Variants in SHROOM3 observed in about 807,000 individuals in gnomAD.
SHROOM3 encodes protein Shroom3.
A neutral mutation model predicts 138.6 loss-of-function variants in SHROOM3; 47 were observed. The ratio of observed to expected loss-of-function variants is 0.34; its 90% confidence interval spans 0.27 to 0.43. The LOEUF (loss-of-function observed/expected upper bound fraction) is 0.43. Ranked by LOEUF, SHROOM3 falls within the 20% of genes least tolerant of loss-of-function variation. The pLI, the probability that SHROOM3 is intolerant of heterozygous loss-of-function variation, is 1.00. For missense variants in SHROOM3, 2,491 were observed against 2,596.5 expected (o/e 0.96, Z 0.88); for synonymous variants, 1,062 against 1,063.3 (o/e 1.00, Z 0.02).
At chr4:76,579,857 AAATCGGGGAAGAG>A (rs767761841) in intron 2 of SHROOM3, among the ~76,000 whole-genome samples, 36 of 152,196 alleles carry the variant, frequency 2.4e-4, no homozygotes, top group Admixed American at 6.5e-4. Context: ...TTTTAATCCT[AAATCGGGGAAGAG>A]AATCGTTGTG....
intron 8 of SHROOM3, chr4:76,757,910 TAAATAA>T (rs1261661448): frequency 6.6e-6 from 1 of 152,208 alleles, no homozygotes; most frequent in Non-Finnish European, 1.5e-5. Flanking sequence ...GCTTCCAGAC[TAAATAA>T]AAACAGAACA....
intron 1 of SHROOM3, among the ~76,000 whole-genome samples, chr4:76,484,860 C>G (rs576141451): frequency 6.6e-6 from 1 of 152,180 alleles, no homozygotes; most frequent in African/African-American, 2.4e-5. Flanking sequence ...CCGCTTCCCT[C>G]TCTGGGACCC....
At chr4:76,462,319 C>A (rs1241993346) in intron 1 of SHROOM3, among the ~76,000 whole-genome samples, 1 of 151,956 alleles carries the variant, frequency 6.6e-6, no homozygotes, top group Non-Finnish European at 1.5e-5. Flanking sequence ...TTGGAGTGAG[C>A]TGAGATCATG....
At position 76,740,104 on chromosome 4, in the gene SHROOM3, G is replaced by A. The variant is rs774441178; in HGVS notation, c.1931G>A (p.Arg644Lys). The A allele has an allele frequency of 1.2e-6, 2 of 1,613,670 alleles. No individual in the cohort carries two copies. Among genetic ancestry groups the A allele is most frequent in the Non-Finnish European group, 8.5e-7 (1 of 1,180,052 alleles). The change falls in exon 5 of 11, where the codon AGA becomes AAA. Residue 644 changes from arginine to lysine, a missense_variant. This residue lies in a region of SHROOM3 where 1,733 missense variants were observed against 1,661.6 expected (regional missense o/e 1.04). Transcript: ENST00000296043. The surrounding 1 kb of genome is among the most constrained non-coding windows in gnomAD (Gnocchi z 4.0). Reference sequence around the variant, plus strand: ...GCCAACCTCTGGAGGAGGCTGGAGAGAGAAGGCCTAGGCCAGAGCCTGTCA... The same window carrying A: ...GCCAACCTCTGGAGGAGGCTGGAGAAAGAAGGCCTAGGCCAGAGCCTGTCA... Reference protein sequence around the residue: ...HNANLWRRLEREGLGQSLSGN... With the variant: ...HNANLWRRLEKEGLGQSLSGN...
rs183091661 is a variant in SHROOM3, at chr4:76,656,272, C to T, written c.324-53884C>T. Among the ~76,000 whole-genome samples, 8 of 152,348 alleles carry T rather than the reference C, an allele frequency of 5.3e-5. No individual in the cohort carries two copies. The East Asian group carries it at 9.6e-4, about 18-fold the overall frequency. On this transcript the variant is annotated intron_variant, in intron 2 of 10. Transcript: ENST00000296043. ...ATAGTATAAGCAGAGTCTTGTACTA[C>T]GGTTCCTCTTAGGAATTACTGCTGG...
chr4:76,625,088 A>G (rs2110068533), intron 2 of SHROOM3, among the ~76,000 whole-genome samples: 1 of 152,352 alleles, frequency 6.6e-6, no homozygotes, highest in South Asian at 2.1e-4. Context: ...TTTATGCAGT[A>G]CTTTTGGGCT....
intron 2 of SHROOM3, among the ~76,000 whole-genome samples, chr4:76,562,598 T>C (rs1011351219): frequency 6.6e-6 from 1 of 152,222 alleles, no homozygotes; most frequent in South Asian, 2.1e-4. Context: ...TTCCAGCTCA[T>C]GGTTACAGTT....
At chr4:76,491,323 T>C (rs1250733111) in intron 1 of SHROOM3, among the ~76,000 whole-genome samples, 2 of 152,198 alleles carry the variant, frequency 1.3e-5, no homozygotes, top group Non-Finnish European at 2.9e-5. Flanking sequence ...GAAAGACTTC[T>C]TGGCCTGTGT....
intron 1 of SHROOM3, among the ~76,000 whole-genome samples, chr4:76,453,861 G>A (rs1326509726): frequency 6.6e-6 from 1 of 152,132 alleles, no homozygotes; most frequent in African/African-American, 2.4e-5. Flanking sequence ...GTCTTTTGAT[G>A]CATGAAAGTT....
At chr4:76,710,102 C>T (rs972806871) in intron 2 of SHROOM3, 54 bp from the exon 3 acceptor site, 5 of 1,611,156 alleles carry the variant, frequency 3.1e-6, no homozygotes, top group African/African-American at 2.7e-5. Context: ...TTCATTTGTG[C>T]TCCTGTCCAT....
chr4:76,570,972 C>A (rs1560549634), intron 2 of SHROOM3, among the ~76,000 whole-genome samples: 2 of 152,150 alleles, frequency 1.3e-5, no homozygotes, highest in Non-Finnish European at 2.9e-5. Flanking sequence ...CATAGGATTC[C>A]TAGTAAGTTC....
intron 2 of SHROOM3, among the ~76,000 whole-genome samples, chr4:76,628,114 T>TC (rs1180036853): frequency 6.6e-6 from 1 of 152,102 alleles, no homozygotes; most frequent in African/African-American, 2.4e-5. Flanking sequence ...AGGCATGATT[T>TC]CCCCAAAAGA....
intron 1 of SHROOM3, among the ~76,000 whole-genome samples, chr4:76,441,217 C>T (rs1349440127): frequency 6.6e-6 from 1 of 151,320 alleles, no homozygotes; most frequent in Non-Finnish European, 1.5e-5. Flanking sequence ...GCCTCAGACT[C>T]CCAAGTAGCT....
intron 4 of SHROOM3, 115 bp from the exon 5 acceptor site, chr4:76,738,646 C>T: frequency 7.8e-7 from 1 of 1,283,796 alleles, no homozygotes; most frequent in Middle Eastern, 2.6e-4. Flanking sequence ...TTTTACCCAC[C>T]CTTCCAAACA....
At chr4:76,449,273 A>G (rs1730874459) in intron 1 of SHROOM3, among the ~76,000 whole-genome samples, 1 of 152,286 alleles carries the variant, frequency 6.6e-6, no homozygotes, top group African/African-American at 2.4e-5. Context: ...CTTTTCTAGA[A>G]TTTTATTTAT....
intron 2 of SHROOM3, chr4:76,586,515 C>T (rs1212629553): frequency 1.6e-5 from 16 of 972,046 alleles, no homozygotes; most frequent in South Asian, 9.5e-5. Flanking sequence ...ATTATTTCTC[C>T]GTCGATGTTG....
At chr4:76,693,382 T>G (rs1017714024) in intron 2 of SHROOM3, among the ~76,000 whole-genome samples, 4 of 141,400 alleles carry the variant, frequency 2.8e-5, no homozygotes, top group Non-Finnish European at 6.1e-5. Context: ...TTTTTTTTTT[T>G]TTTTTTTTTT....
chr4:76,738,935 CAA>C lies in SHROOM3; in HGVS notation c.763_764del (p.Lys255GlufsTer13), dbSNP rs1471488591. ...TTGACCAGCTCAGCCACTTCCATAA[CAA>C]GAGAGACTCGGCTTACAGCTCTTTC... ...SIDQLSHFHN[K>X]RDSAYSSFST... On this transcript the variant is annotated frameshift_variant, in exon 5 of 11. Coordinates refer to ENST00000296043, the MANE Select transcript of SHROOM3 (RefSeq NM_020859.4). LOFTEE classifies it high-confidence loss of function. 6.2e-7 allele frequency: 1 copy of C among 1,614,146 alleles called. No individual in the cohort carries two copies. The highest frequency in any genetic ancestry group is 8.5e-7 in the Non-Finnish European group (1 of 1,180,052).
At chr4:76,611,934 T>A (rs747415283) in intron 2 of SHROOM3, among the ~76,000 whole-genome samples, 10 of 152,228 alleles carry the variant, frequency 6.6e-5, no homozygotes, top group Non-Finnish European at 1.2e-4. Context: ...ATCAGTTCCA[T>A]GTTGAATAAC....
Sources: gnomAD v4.1 joint callset for allele counts (sites outside exome capture counted in the v4.1 genomes callset) on GRCh38, gnomAD v4.1.1 for gene constraint, gnomAD v4.1.1 regional missense constraint, Gnocchi (gnomAD v3.1) non-coding constraint, MANE v1.5 for transcripts, NCBI Gene and HGNC (gene_info 2026-07-23, HGNC 2026-07-21) for gene names.